Variants in SYNE2 observed in about 807,000 individuals in gnomAD.
SYNE2 encodes the protein spectrin repeat containing nuclear envelope protein 2.
SYNE2 carries 431 observed loss-of-function variants against 856.3 expected under a neutral mutation model. The observed-to-expected ratio is 0.50, with a 90% CI of 0.47 to 0.55. SYNE2 has a LOEUF of 0.55. Ranked by LOEUF, SYNE2 falls within the 20% of genes least tolerant of loss-of-function variation. SYNE2 has a pLI of 0.00. For synonymous variants in SYNE2, 2,923 were observed against 2,872.3 expected, an observed-to-expected ratio of 1.02 and a Z score of -0.56; for missense variants, 8,129 against 8,023.2, an observed-to-expected ratio of 1.01 and a Z score of -0.50.
At chr14:63,825,322 G>A (rs758572345) in intron 1 of SYNE2, among the ~76,000 whole-genome samples, 37 of 151,602 alleles carry the variant, frequency 2.4e-4, no homozygotes, top group Non-Finnish European at 4.1e-4. Context: ...GTCTTTAATG[G>A]CAATAACATA....
intron 23 of SYNE2, 138 bp from the exon 24 acceptor site, chr14:63,996,809 C>T (rs1157965660): frequency 2.7e-5 from 22 of 802,636 alleles, no homozygotes; most frequent in East Asian, 1.3e-4. Context: ...TTTTCTCTAG[C>T]GCCTATTGTC....
At chr14:64,037,988 G>A (rs991277423) in intron 45 of SYNE2, among the ~76,000 whole-genome samples, 3 of 151,730 alleles carry the variant, frequency 2.0e-5, no homozygotes, top group African/African-American at 7.3e-5. Flanking sequence ...GGGCGGAGAC[G>A]CTCCTCACTT....
At chr14:64,200,759 C>G (rs889732839) in intron 99 of SYNE2, among the ~76,000 whole-genome samples, 1 of 151,364 alleles carries the variant, frequency 6.6e-6, no homozygotes, top group African/African-American at 2.5e-5. Context: ...GGCATTCTGC[C>G]TTTCACATGT....
At chr14:64,054,010 G>T (rs2097249564) in intron 48 of SYNE2, among the ~76,000 whole-genome samples, 1 of 152,160 alleles carries the variant, frequency 6.6e-6, no homozygotes, top group Non-Finnish European at 1.5e-5. Context: ...TGGGCAGTTA[G>T]TGCATCTATT....
At chr14:64,200,954 A>G (rs1489082405) in intron 99 of SYNE2, among the ~76,000 whole-genome samples, 1 of 152,212 alleles carries the variant, frequency 6.6e-6, no homozygotes, top group Non-Finnish European at 1.5e-5. Context: ...ACACTGATGA[A>G]AGAACTTTGT....
chr14:64,071,982 C>A (rs1431603943), intron 52 of SYNE2, among the ~76,000 whole-genome samples: 1 of 152,182 alleles, frequency 6.6e-6, no homozygotes, highest in African/African-American at 2.4e-5. Context: ...CATGCCATTG[C>A]ACTCCAGCCT....
chr14:64,129,089 C>T (rs1028499090), intron 74 of SYNE2, among the ~76,000 whole-genome samples: 3 of 152,196 alleles, frequency 2.0e-5, no homozygotes, highest in African/African-American at 4.8e-5. Flanking sequence ...AGGTGGATCA[C>T]TTGAAGCCAG....
At chr14:64,024,659 A>C (rs546436440) in intron 39 of SYNE2, among the ~76,000 whole-genome samples, 200 bp downstream of exon 39, 1 of 152,216 alleles carries the variant, frequency 6.6e-6, no homozygotes, top group Non-Finnish European at 1.5e-5. Context: ...GCAAAGGTTC[A>C]TGGGATAGTC....
intron 6 of SYNE2, 72 bp from the exon 7 acceptor site, chr14:63,949,753 T>G: frequency 6.6e-7 from 1 of 1,523,612 alleles, no homozygotes; most frequent in East Asian, 2.3e-5. Flanking sequence ...GTCTCTATTT[T>G]GACTGGAAAT....
chr14:64,201,130 A>G (rs1303111894), intron 99 of SYNE2, among the ~76,000 whole-genome samples: 2 of 152,190 alleles, frequency 1.3e-5, no homozygotes, highest in Non-Finnish European at 2.9e-5. Flanking sequence ...GGTTAGGTAC[A>G]TTGCAGGGTG....
At chr14:64,000,772 T>C in intron 28 of SYNE2, 53 bp downstream of exon 28, 1 of 1,519,942 alleles carries the variant, frequency 6.6e-7, no homozygotes, top group Non-Finnish European at 9.0e-7. Context: ...CTAAATCCTG[T>C]AATGCCATTT....
intron 1 of SYNE2, among the ~76,000 whole-genome samples, chr14:63,763,915 A>G (rs959083533): frequency 6.6e-6 from 1 of 152,166 alleles, no homozygotes; most frequent in Non-Finnish European, 1.5e-5. Context: ...ACCTGAAGCG[A>G]TCCTCCTGCC....
chr14:63,948,742 A>ATATGTATATATATG (rs1555393577), intron 6 of SYNE2, among the ~76,000 whole-genome samples: 9 of 95,564 alleles, frequency 9.4e-5, no homozygotes, highest in Admixed American at 2.5e-4. Context: ...GTGTATAGAT[A>ATATGTATATATATG]TGTGTGTGTA....
chr14:64,113,791 C>A (rs1304763192), intron 66 of SYNE2, among the ~76,000 whole-genome samples: 1 of 152,156 alleles, frequency 6.6e-6, no homozygotes, highest in African/African-American at 2.4e-5. Context: ...GAGTCTAAAT[C>A]CAGCTCTGTC....
At chr14:64,197,769 G>T (rs2098546403) in intron 99 of SYNE2, among the ~76,000 whole-genome samples, 1 of 152,158 alleles carries the variant, frequency 6.6e-6, no homozygotes, top group Non-Finnish European at 1.5e-5. Context: ...TTAAGGCTTA[G>T]GCTTGGTATA....
chr14:64,071,442 C>T (rs916488225), intron 52 of SYNE2, among the ~76,000 whole-genome samples: 17 of 151,728 alleles, frequency 1.1e-4, no homozygotes, highest in African/African-American at 3.4e-4. Context: ...TGCAGTGAGC[C>T]GAGATCGCGC....
intron 1 of SYNE2, among the ~76,000 whole-genome samples, chr14:63,790,643 A>T (rs533159001): frequency 2.0e-4 from 30 of 152,220 alleles, no homozygotes; most frequent in Admixed American, 4.6e-4. Context: ...GTGATGAGGG[A>T]GTGGTGTGAA....
At chr14:63,817,958 G>A (rs1185444122) in intron 1 of SYNE2, among the ~76,000 whole-genome samples, 4 of 147,148 alleles carry the variant, frequency 2.7e-5, no homozygotes, top group African/African-American at 7.5e-5. Flanking sequence ...CTAGAAGGCC[G>A]AGGCTACAGT....
intron 66 of SYNE2, among the ~76,000 whole-genome samples, chr14:64,116,462 G>A (rs1223742162): frequency 6.6e-6 from 1 of 152,132 alleles, no homozygotes; most frequent in African/African-American, 2.4e-5. Flanking sequence ...CTCTCACCCA[G>A]GCTGGAGTGC....
Sources: allele counts gnomAD v4.1 joint callset (sites outside exome capture counted in the v4.1 genomes callset), GRCh38; gene constraint gnomAD v4.1.1; transcripts MANE v1.5; gene names NCBI Gene and HGNC (gene_info 2026-07-23, HGNC 2026-07-21).